MEF2C: variants seen among roughly 807,000 people sequenced by gnomAD.
MEF2C encodes the protein myocyte enhancer factor 2C.
Under a neutral mutation model 50.5 loss-of-function variants are expected in MEF2C, and 6 were observed. The observed-to-expected ratio is 0.12, with a 90% CI of 0.07 to 0.23. MEF2C has a LOEUF of 0.23. Among genes scored for constraint, MEF2C ranks in the 10% least tolerant of loss-of-function variants. MEF2C has a pLI of 1.00. For missense variants in MEF2C, 276 were observed against 605.0 expected (o/e 0.46, Z 5.70); for synonymous variants, 183 against 228.0 (o/e 0.80, Z 1.78).
At chr5:88,850,403 G>C (rs965810457) in intron 1 of MEF2C, among the ~76,000 whole-genome samples, 1 of 152,054 alleles carries the variant, frequency 6.6e-6, no homozygotes, top group Non-Finnish European at 1.5e-5. Flanking sequence ...GTAGATCTAG[G>C]GTTTGAAGTT....
At chr5:88,875,562 G>C (rs1395470189) in intron 1 of MEF2C, among the ~76,000 whole-genome samples, 1 of 151,818 alleles carries the variant, frequency 6.6e-6, no homozygotes, top group African/African-American at 2.4e-5. Context: ...GTGGGGAAGA[G>C]GTCTCATTTT....
intron 6 of MEF2C, chr5:88,732,499 TC>T (rs1762143846): frequency 6.6e-6 from 1 of 152,222 alleles, no homozygotes; most frequent in Non-Finnish European, 1.5e-5. Context: ...ACCCTTGCTT[TC>T]CTCCTCACAC....
chr5:88,804,993 T>C (rs1799782486), intron 2 of MEF2C, among the ~76,000 whole-genome samples, 192 bp from the exon 3 acceptor site: 1 of 152,214 alleles, frequency 6.6e-6, no homozygotes, highest in Non-Finnish European at 1.5e-5. Context: ...GTGTGATTTC[T>C]AGCTTGCTGC....
chr5:88,807,806 G>T (rs1801156007), intron 2 of MEF2C, among the ~76,000 whole-genome samples: 1 of 152,192 alleles, frequency 6.6e-6, no homozygotes, highest in African/African-American at 2.4e-5. Context: ...CTGATAGAAA[G>T]ATAAAGCTGT....
At chr5:88,735,337 T>C in intron 6 of MEF2C, 1 of 985,342 alleles carries the variant, frequency 1.0e-6, no homozygotes, top group Non-Finnish European at 1.2e-6. Context: ...AATATATGGA[T>C]TCAACCTTTT....
At chr5:88,748,029 T>C (rs1770746325) in intron 6 of MEF2C, 2 of 981,530 alleles carry the variant, frequency 2.0e-6, no homozygotes, top group African/African-American at 3.5e-5. Flanking sequence ...GTGTTATTCA[T>C]CTTGTTTGCT....
chr5:88,891,064 A>G (rs1169949109), intron 1 of MEF2C, among the ~76,000 whole-genome samples: 2 of 152,226 alleles, frequency 1.3e-5, no homozygotes, highest in African/African-American at 2.4e-5. Flanking sequence ...AAGAAATTCC[A>G]TTTAACAAAG....
intron 3 of MEF2C, among the ~76,000 whole-genome samples, chr5:88,790,906 C>T (rs1793461027): frequency 6.6e-6 from 1 of 152,032 alleles, no homozygotes; most frequent in African/African-American, 2.4e-5. Flanking sequence ...AAACAAACCC[C>T]CCAAAACCAA....
intron 3 of MEF2C, among the ~76,000 whole-genome samples, chr5:88,801,470 G>A (rs1562115642): frequency 6.6e-6 from 1 of 150,816 alleles, no homozygotes; most frequent in African/African-American, 2.4e-5. Context: ...TTCAAATTTA[G>A]TGTGTCTAAG....
intron 6 of MEF2C, chr5:88,733,992 T>A (rs776851672): frequency 1.0e-6 from 1 of 985,158 alleles, no homozygotes; most frequent in Non-Finnish European, 1.2e-6. Context: ...GCAAAAGCTG[T>A]TACATAAAAC....
At chr5:88,744,768 CT>C (rs1768561649) in intron 6 of MEF2C, among the ~76,000 whole-genome samples, 1 of 152,112 alleles carries the variant, frequency 6.6e-6, no homozygotes, top group Non-Finnish European at 1.5e-5. Flanking sequence ...CTTTATTACC[CT>C]TTGTCTTCAT....
chr5:88,734,598 T>TTTTTTTTTTTTTTTG, intron 6 of MEF2C: 3 of 883,908 alleles, frequency 3.4e-6, no homozygotes, highest in Non-Finnish European at 4.0e-6. Flanking sequence ...TTTTTTTTTT[T>TTTTTTTTTTTTTTTG]AGCATTTTCT....
chr5:88,884,799 CAAA>C (rs34331976), upstream of MEF2C, among the ~76,000 whole-genome samples: 14 of 109,270 alleles, frequency 1.3e-4, no homozygotes, highest in African/African-American at 2.9e-4. Context: ...CTTTTCCTTA[CAAA>C]AAAAAAAAAA....
At chr5:88,887,530 TTTGC>T (rs1171207076), upstream of MEF2C, 1 of 152,222 alleles carries the variant, frequency 6.6e-6, no homozygotes, top group Non-Finnish European at 1.5e-5. Flanking sequence ...GCCACAATCA[TTTGC>T]CTTCCGTTCT....
At chr5:88,855,140 T>G (rs564216596) in intron 1 of MEF2C, among the ~76,000 whole-genome samples, 2 of 152,354 alleles carry the variant, frequency 1.3e-5, no homozygotes, top group African/African-American at 4.8e-5. Flanking sequence ...TTGGAACTTT[T>G]CCTCAGCTTT....
At chr5:88,862,619 C>T (rs1825882459) in intron 1 of MEF2C, among the ~76,000 whole-genome samples, 1 of 151,910 alleles carries the variant, frequency 6.6e-6, no homozygotes, top group Non-Finnish European at 1.5e-5. Context: ...AGTTGAATCT[C>T]CTCTATATAA....
At chr5:88,777,558 C>T (rs2152832722) in intron 3 of MEF2C, among the ~76,000 whole-genome samples, 1 of 152,318 alleles carries the variant, frequency 6.6e-6, no homozygotes. Flanking sequence ...GGTTGTTTAA[C>T]AATAAGGATT....
At chr5:88,731,508 A>C in intron 7 of MEF2C, 1 of 470,984 alleles carries the variant, frequency 2.1e-6, no homozygotes. Flanking sequence ...AGCCTAGTGA[A>C]GTTCACCAGA....
intron 4 of MEF2C, among the ~76,000 whole-genome samples, chr5:88,758,908 G>A (rs192176760): frequency 2.7e-4 from 41 of 152,246 alleles, no homozygotes; most frequent in Non-Finnish European, 4.7e-4. Context: ...GGGAATACAG[G>A]TGTGTATTAC....
Sources: gnomAD v4.1 joint callset for allele counts (sites outside exome capture counted in the v4.1 genomes callset) on GRCh38, gnomAD v4.1.1 for gene constraint, MANE v1.5 for transcripts, NCBI Gene and HGNC (gene_info 2026-07-23, HGNC 2026-07-21) for gene names.